MTOR: variants seen among roughly 807,000 people sequenced by gnomAD.
MTOR encodes serine/threonine-protein kinase mTOR.
Under a neutral mutation model 319.8 loss-of-function variants are expected in MTOR, and 70 were observed. That is an observed-to-expected ratio of 0.22 (90% confidence interval 0.18 to 0.27). The LOEUF (loss-of-function observed/expected upper bound fraction) is 0.27. Among genes scored for constraint, MTOR ranks in the 10% least tolerant of loss-of-function variants. The pLI is 1.00. For missense variants in MTOR, 1,890 were observed against 3,274.4 expected (o/e 0.58, Z 10.32); for synonymous variants, 1,183 against 1,211.4 (o/e 0.98, Z 0.49).
intron 34 of MTOR, among the ~76,000 whole-genome samples, chr1:11,143,715 A>G (rs776445945): frequency 6.6e-6 from 1 of 152,200 alleles, no homozygotes; most frequent in Non-Finnish European, 1.5e-5. Context: ...GGAAGCACAA[A>G]CTTCGATTGG....
chr1:11,216,332 A>G (rs1399516872), intron 19 of MTOR, 98 bp from the exon 20 acceptor site: 1 of 835,738 alleles, frequency 1.2e-6, no homozygotes, highest in Non-Finnish European at 2.0e-6. Context: ...CAACTATGGA[A>G]TGGGTTTCCA....
rs2100431043 is a variant in MTOR at position 11,130,620 on chromosome 1, G to T, written c.5522C>A (p.Thr1841Asn). Residue 1841 changes from threonine (T) to asparagine (N), a missense_variant, in exon 39 of 58, where the codon ACT becomes AAT. By Grantham distance (65) the Thr-to-Asn change is moderately conservative. Coordinates refer to ENST00000361445, the MANE Select transcript of MTOR (RefSeq NM_004958.4). Reference protein sequence around the residue: ...AATTAATATTTASTEGSNSES... With the variant: ...AATTAATATTNASTEGSNSES... ...ACTGTTGCTGCCCTCGGTGCTGGCA[G>T]TGGTGGTGGCAGTGGCGGCCGTGGT... The T allele has an allele frequency of 6.2e-7, 1 of 1,613,796 alleles. No individual in the cohort carries two copies. Among genetic ancestry groups the T allele is most frequent in the South Asian group, 1.1e-5 (1 of 91,052 alleles).
Position 11,139,592 on chromosome 1 carries a change from G to A in MTOR, c.4939C>T (p.His1647Tyr). 6.2e-7 allele frequency: 1 copy of A among 1,614,162 alleles called. No homozygotes were observed. Residue 1647 changes from histidine to tyrosine, a missense_variant, in exon 35 of 58, where the codon CAT becomes TAT. His to Tyr is a moderately conservative substitution (Grantham distance 83, BLOSUM62 2). Around this residue, in one of 15 missense-constraint regions of MTOR, gnomAD observed 276 missense variants for 459.4 expected, o/e 0.60. Coordinates refer to ENST00000361445, the MANE Select transcript of MTOR (RefSeq NM_004958.4). Reference sequence around the variant, plus strand: ...TTGAGCCAGGTTCTCATGTCTTCATGAGGGCTGACCACAAGGGACCGCACC... The same window carrying A: ...TTGAGCCAGGTTCTCATGTCTTCATAAGGGCTGACCACAAGGGACCGCACC... ...LMVRSLVVSP[H>Y]EDMRTWLKYA... is the part of the protein sequence containing the mutation.
intron 24 of MTOR, 44 bp from the exon 25 acceptor site, chr1:11,209,502 T>C (rs376092505): frequency 2.5e-6 from 4 of 1,606,036 alleles, no homozygotes; most frequent in Non-Finnish European, 8.5e-7. Context: ...CTCTACTAGA[T>C]GCTTCTGGTT....
In MTOR at chr1:11,228,701, G is replaced by A. The variant is rs1064261; in HGVS notation, c.2997C>T (p.Asn999=). ...TGGCCCCATCACAGACTCGAATGAC[G>A]TTAAGGAACGTGGGCATGACCTGGG... ...FLPQVMPTFL[N]VIRVCDGAIR... The change falls in exon 19 of 58, where the codon AAC becomes AAT. Residue 999 remains asparagine (N), a synonymous_variant. Coordinates refer to ENST00000361445, the MANE Select transcript of MTOR (RefSeq NM_004958.4). 1,174,294 of 1,613,694 alleles carry A rather than the reference G, an allele frequency of 0.73. 433,703 individuals carry two copies. The highest frequency in any genetic ancestry group is 0.9 in the East Asian group (40,421 of 44,866).
chr1:11,151,216 A>T (rs1439409455), intron 30 of MTOR, among the ~76,000 whole-genome samples: 4 of 152,176 alleles, frequency 2.6e-5, no homozygotes, highest in African/African-American at 9.7e-5. Context: ...ACTGTGGACC[A>T]CGTCTAGGAG....
At chr1:11,235,254 T>C (rs1367104235) in intron 13 of MTOR, among the ~76,000 whole-genome samples, 1 of 152,142 alleles carries the variant, frequency 6.6e-6, no homozygotes, top group Non-Finnish European at 1.5e-5. Context: ...CAGGTTCACT[T>C]AGAGCCCGAG....
intron 28 of MTOR, chr1:11,194,932 T>A: frequency 6.2e-7 from 1 of 1,614,122 alleles, no homozygotes; most frequent in East Asian, 2.2e-5. Flanking sequence ...AATAAGCACC[T>A]GGATGGCATC....
At chr1:11,145,961 T>C (rs1643915519) in intron 32 of MTOR, among the ~76,000 whole-genome samples, 1 of 152,160 alleles carries the variant, frequency 6.6e-6, no homozygotes, top group South Asian at 2.1e-4. Context: ...CCCAATCCTG[T>C]CCACATGAAC....
intron 29 of MTOR, among the ~76,000 whole-genome samples, chr1:11,161,873 G>A (rs1018639774): frequency 2.0e-5 from 3 of 152,184 alleles, no homozygotes; most frequent in Non-Finnish European, 4.4e-5. Context: ...TAAAATAAGA[G>A]CGCCTCTTCC....
At position 11,237,950 on chromosome 1, in the gene MTOR, T is replaced by C; in HGVS notation, c.2101A>G (p.Asn701Asp). Residue 701 changes from asparagine to aspartate, a missense_variant, in exon 13 of 58, where the codon AAT becomes GAT. Physicochemically the swap from Asn to Asp is conservative, Grantham distance 23 (BLOSUM62 1). Around this residue, in one of 15 missense-constraint regions of MTOR, gnomAD observed 377 missense variants for 653.9 expected, o/e 0.58. Transcript: ENST00000361445. The part of the protein sequence containing the change: ...ENLQALFVAL[N>D]DQVFEIRELA... ...TCCCGGATCTCAAACACCTGGTCAT[T>C]CAGAGCCACAAACAAGGCCTGCAAG... is the stretch of plus-strand genomic sequence containing the variant. 6.2e-7 allele frequency: 1 copy of C among 1,614,164 alleles called. No homozygotes were observed. The highest frequency in any genetic ancestry group is 8.5e-7 in the Non-Finnish European group (1 of 1,180,022).
chr1:11,209,486 C>T (rs1469969056), intron 24 of MTOR, 28 bp from the exon 25 acceptor site: 1 of 1,613,106 alleles, frequency 6.2e-7, no homozygotes, highest in Admixed American at 1.7e-5. Flanking sequence ...TAGGAAACAC[C>T]TATAACTCTA....
In MTOR at chr1:11,243,189, G is replaced by A. The variant is rs1406968736; in HGVS notation, c.1337C>T (p.Ser446Phe). ...ALGLLSVAVR[S>F]EFKVYLPRVL... The stretch of plus-strand genomic sequence containing the variant: ...GCGAGGCAAATAGACCTTAAACTCA[G>A]ACCTCACAGCCACAGAAAGTAGCCC... Residue 446 changes from serine (S) to phenylalanine (F), a missense_variant, in exon 9 of 58, where the codon TCT (serine) becomes TTT (phenylalanine). By Grantham distance (155) the Ser-to-Phe change is radical. Transcript: ENST00000361445. 1 of 1,614,158 alleles carries A rather than the reference G, an allele frequency of 6.2e-7. No individual in the cohort carries two copies. Among genetic ancestry groups the A allele is most frequent in the Admixed American group, 1.7e-5 (1 of 60,018 alleles).
chr1:11,205,652 C>CT (rs1413056890), intron 25 of MTOR, among the ~76,000 whole-genome samples: 1 of 152,312 alleles, frequency 6.6e-6, no homozygotes, highest in African/African-American at 2.4e-5. Flanking sequence ...CTCAGAGTGC[C>CT]TCATCTAAGG....
chr1:11,259,617 C>T (rs930893983), intron 1 of MTOR, among the ~76,000 whole-genome samples, 194 bp from the exon 2 acceptor site: 2 of 152,172 alleles, frequency 1.3e-5, no homozygotes, highest in Admixed American at 1.3e-4. Context: ...TTAAAAGAGG[C>T]AGTGTAGTAG....
In MTOR at chr1:11,175,318, C is replaced by T. The variant is rs890225350; in HGVS notation, c.4254-7801G>A. On this transcript the variant is annotated intron_variant, in intron 28 of 57. Coordinates refer to ENST00000361445, the MANE Select transcript of MTOR (RefSeq NM_004958.4). ...CTGGGTATCAGGGGCAGAAGGAGGC[C>T]GCTGTACAGACATATTCATTCTCAT... Among the ~76,000 whole-genome samples the T allele has an allele frequency of 3.9e-5, 6 of 152,186 alleles. No individual in the cohort carries two copies. In the South Asian group the frequency reaches 8.3e-4, roughly 21 times the overall value.
intron 28 of MTOR, among the ~76,000 whole-genome samples, chr1:11,188,616 T>C (rs1313939950): frequency 6.6e-6 from 1 of 152,254 alleles, no homozygotes; most frequent in African/African-American, 2.4e-5. Flanking sequence ...TTCATCTCTG[T>C]TGTAATCTTC....
chr1:11,121,401 C>T lies in MTOR; in HGVS notation c.6811-33G>A, dbSNP rs1642517089. 1 of 1,611,544 alleles carries T rather than the reference C, an allele frequency of 6.2e-7. No individual in the cohort carries two copies. Among genetic ancestry groups the T allele is most frequent in the Non-Finnish European group, 8.5e-7 (1 of 1,179,086 alleles). On this transcript the variant is annotated intron_variant, in intron 48 of 57. Transcript: ENST00000361445. The surrounding 1 kb of genome is among the most constrained non-coding windows in gnomAD (Gnocchi z 4.9). Reference sequence around the variant, plus strand: ...AGGACACAACTGTTCAGTAAGAGAGCAGCCTAAGACATGTAGTTTGGGTCC... The same window carrying T: ...AGGACACAACTGTTCAGTAAGAGAGTAGCCTAAGACATGTAGTTTGGGTCC...
In MTOR at chr1:11,128,586, G is replaced by A. The variant is rs888774731; in HGVS notation, c.5812-34C>T. 6.3e-7 allele frequency: 1 copy of A among 1,584,190 alleles called. No homozygotes were observed. Among genetic ancestry groups the A allele is most frequent in the Non-Finnish European group, 8.7e-7 (1 of 1,153,120 alleles). ...CAAAAAGACACAGTATGTAGCATATGAGACTTGAAACAACTAGTTATTCTT... is the reference window on the plus strand; with the variant it reads ...CAAAAAGACACAGTATGTAGCATATAAGACTTGAAACAACTAGTTATTCTT... On this transcript the variant is annotated intron_variant, in intron 41 of 57. Coordinates refer to ENST00000361445, the MANE Select transcript of MTOR (RefSeq NM_004958.4). This position sits in a 1 kb window ranked among gnomAD's most constrained non-coding sequence, Gnocchi z 5.3.
Sources: allele counts gnomAD v4.1 joint callset (sites outside exome capture counted in the v4.1 genomes callset), GRCh38; gene constraint gnomAD v4.1.1; regional missense constraint gnomAD v4.1.1; non-coding constraint Gnocchi (gnomAD v3.1); transcripts MANE v1.5; gene names NCBI Gene and HGNC (gene_info 2026-07-23, HGNC 2026-07-21).